The following OPCML variants were observed in gnomAD, a reference collection of about 807,000 sequenced individuals.
The protein encoded by OPCML is opioid binding protein/cell adhesion molecule like.
A neutral mutation model predicts 37.8 loss-of-function variants in OPCML; 13 were observed. The ratio of observed to expected loss-of-function variants is 0.34; its 90% confidence interval spans 0.22 to 0.55. The LOEUF (loss-of-function observed/expected upper bound fraction) is 0.55. OPCML is among the 20% of genes least tolerant of loss of function. OPCML has a pLI of 0.91. For synonymous variants in OPCML, 176 were observed against 168.8 expected, an observed-to-expected ratio of 1.04 and a Z score of -0.33; for missense variants, 341 against 435.6, an observed-to-expected ratio of 0.78 and a Z score of 1.93.
chr11:132,860,981 T>C (rs539888141), intron 2 of OPCML, among the ~76,000 whole-genome samples: 1 of 152,342 alleles, frequency 6.6e-6, no homozygotes, highest in Non-Finnish European at 1.5e-5. Flanking sequence ...GCAACTAAAA[T>C]GCTATACAAA....
chr11:132,772,245 C>G (rs1946664328), intron 2 of OPCML: 1 of 152,190 alleles, frequency 6.6e-6, no homozygotes, highest in Non-Finnish European at 1.5e-5. Context: ...CTGGGATGGT[C>G]AGGACCTTGC....
chr11:132,713,196 A>AAG (rs1334041725), intron 2 of OPCML, among the ~76,000 whole-genome samples: 4 of 152,330 alleles, frequency 2.6e-5, no homozygotes, highest in Non-Finnish European at 5.9e-5. Context: ...AATTATAATG[A>AAG]CACGACGCTT....
chr11:132,489,985 C>A (rs2137063085), intron 4 of OPCML, among the ~76,000 whole-genome samples: 1 of 152,264 alleles, frequency 6.6e-6, no homozygotes, highest in African/African-American at 2.4e-5. Context: ...ATGATGGTTT[C>A]CAGCTTCATC....
At chr11:132,589,922 A>ATTC (rs1346541678) in intron 3 of OPCML, among the ~76,000 whole-genome samples, 3 of 152,210 alleles carry the variant, frequency 2.0e-5, no homozygotes, top group Non-Finnish European at 4.4e-5. Flanking sequence ...TCTGTAGCTT[A>ATTC]TTCTTCTGCA....
intron 3 of OPCML, among the ~76,000 whole-genome samples, chr11:132,568,626 G>A (rs759659469): frequency 1.4e-4 from 21 of 152,168 alleles, no homozygotes; most frequent in East Asian, 7.7e-4. Context: ...GGCCGCAGCC[G>A]CAGAAACTGG....
intron 2 of OPCML, among the ~76,000 whole-genome samples, chr11:132,697,706 A>G (rs1447663200): frequency 6.6e-6 from 1 of 152,074 alleles, no homozygotes; most frequent in Non-Finnish European, 1.5e-5. Context: ...TATCTTGGCT[A>G]TTGTGCACAG....
chr11:133,040,794 T>C (rs1947877726), intron 1 of OPCML, among the ~76,000 whole-genome samples: 1 of 151,718 alleles, frequency 6.6e-6, no homozygotes, highest in Non-Finnish European at 1.5e-5. Context: ...AATATGGAAG[T>C]CAATACCACC....
At chr11:133,215,203 A>AGTGTGTGT (rs566797124) in intron 1 of OPCML, among the ~76,000 whole-genome samples, 1 of 148,862 alleles carries the variant, frequency 6.7e-6, no homozygotes, top group African/African-American at 2.6e-5. Context: ...AGAGAGAGAG[A>AGTGTGTGT]GAGTGTGTGT....
chr11:132,954,124 G>GT (rs1338619845), intron 1 of OPCML, among the ~76,000 whole-genome samples: 1 of 82,358 alleles, frequency 1.2e-5, no homozygotes, highest in Admixed American at 1.3e-4. Context: ...TCTTTCTTGG[G>GT]TTTTTTGTTT....
At chr11:133,180,700 C>T (rs1051659088) in intron 1 of OPCML, among the ~76,000 whole-genome samples, 3 of 151,994 alleles carry the variant, frequency 2.0e-5, no homozygotes, top group Non-Finnish European at 4.4e-5. Flanking sequence ...TCCCTGCCTG[C>T]AGAATAGGTA....
intron 4 of OPCML, among the ~76,000 whole-genome samples, chr11:132,439,129 G>C (rs970631839): frequency 6.6e-6 from 1 of 152,144 alleles, no homozygotes; most frequent in African/African-American, 2.4e-5. Flanking sequence ...TGGTCCTGGT[G>C]ACAGGGTCCC....
intron 1 of OPCML, among the ~76,000 whole-genome samples, chr11:133,253,366 G>A (rs1286668501): frequency 6.6e-6 from 1 of 152,100 alleles, no homozygotes; most frequent in Non-Finnish European, 1.5e-5. Context: ...CTGGAGTGCA[G>A]TGGTGCAACC....
At chr11:133,191,514 T>G (rs955708247) in intron 1 of OPCML, among the ~76,000 whole-genome samples, 1 of 151,210 alleles carries the variant, frequency 6.6e-6, no homozygotes, top group East Asian at 1.9e-4. Context: ...GGTGTGTGTG[T>G]GTGTGTGTGT....
chr11:132,699,473 T>C (rs567936160), intron 2 of OPCML, among the ~76,000 whole-genome samples: 1 of 152,136 alleles, frequency 6.6e-6, no homozygotes, highest in African/African-American at 2.4e-5. Context: ...AATATGATGT[T>C]AGCTGTGGAC....
chr11:133,216,503 T>A (rs991498819), intron 1 of OPCML, among the ~76,000 whole-genome samples: 1 of 152,234 alleles, frequency 6.6e-6, no homozygotes, highest in Non-Finnish European at 1.5e-5. Flanking sequence ...CTGGTTGTGG[T>A]CACAGAGGTG....
chr11:133,323,273 G>A (rs1397900263), intron 1 of OPCML, among the ~76,000 whole-genome samples: 1 of 152,214 alleles, frequency 6.6e-6, no homozygotes, highest in African/African-American at 2.4e-5. Context: ...AGAAGCAGAA[G>A]ATTGGATTTC....
rs186406347 is a variant in OPCML at position 132,641,577 on chromosome 11, G to A, written c.379+15510C>T. Among the ~76,000 whole-genome samples the A allele has an allele frequency of 2.4e-3, 368 of 152,288 alleles. 2 individuals carry two copies. Among genetic ancestry groups the A allele is most frequent in the South Asian group, 6.2e-3 (30 of 4,832 alleles). ...TATGCACTGTGGCAGTCAGCATGCA[G>A]TTTAATAAAACATTTTCAAACCACT... On this transcript the variant is annotated intron_variant, in intron 3 of 7. Coordinates refer to ENST00000524381, the MANE Select transcript of OPCML (RefSeq NM_001012393.5).
intron 1 of OPCML, among the ~76,000 whole-genome samples, chr11:133,149,406 T>C (rs773844466): frequency 7.2e-5 from 11 of 152,224 alleles, no homozygotes; most frequent in Non-Finnish European, 1.6e-4. Context: ...CCTGCCTCTT[T>C]AAGCCAGTAA....
At chr11:133,421,053 C>A (rs1313693590) in intron 1 of OPCML, 2 of 984,136 alleles carry the variant, frequency 2.0e-6, no homozygotes, top group African/African-American at 3.5e-5. Context: ...GTCCTGAGAT[C>A]AATAATCAGT....
Sources: gnomAD v4.1 joint callset for allele counts (sites outside exome capture counted in the v4.1 genomes callset) on GRCh38, gnomAD v4.1.1 for gene constraint, MANE v1.5 for transcripts, NCBI Gene and HGNC (gene_info 2026-07-23, HGNC 2026-07-21) for gene names.